LMAN2L: variants seen among roughly 807,000 people sequenced by gnomAD.
The protein encoded by LMAN2L is VIP36-like protein.
LMAN2L carries 30 observed loss-of-function variants against 44.3 expected under a neutral mutation model. The observed-to-expected ratio is 0.68, with a 90% CI of 0.51 to 0.92. The LOEUF is 0.92. LMAN2L is among the 40% of genes least tolerant of loss of function. LMAN2L has a pLI of 0.00. For synonymous variants in LMAN2L, 183 were observed against 171.1 expected (o/e 1.07, Z -0.54); for missense variants, 429 against 446.1 (o/e 0.96, Z 0.35).
In LMAN2L at chr2:96,707,757, T is replaced by G; in HGVS notation, c.861A>C (p.Arg287=). 1 of 1,614,098 alleles carries G rather than the reference T, an allele frequency of 6.2e-7. No individual in the cohort carries two copies. The highest frequency in any genetic ancestry group is 8.5e-7 in the Non-Finnish European group (1 of 1,179,982). The part of the protein sequence containing the change: ...ERTPEEEKLH[R]DVFLPSVDNM... ...TGTCCACTGAGGGCAAGAACACATC[T>G]CGATGGAGCTTTTCCTCTTCTGGGG... is the stretch of plus-strand genomic sequence containing the variant. Residue 287 remains arginine (R), a synonymous_variant, in exon 7 of 8, where the codon CGA becomes CGC. Transcript: ENST00000264963.
Position 96,721,304 on chromosome 2 carries a change from T to C in LMAN2L, c.508-9279A>G, listed in dbSNP as rs893802871. On this transcript the variant is annotated intron_variant, in intron 4 of 7. Coordinates refer to ENST00000264963, the MANE Select transcript of LMAN2L (RefSeq NM_030805.4). ...TGGGTCATCCATGTTGGAGCACATA[T>C]CGATACTTAATTTCTTTCAGTCTTT... 4.6e-5 allele frequency among the ~76,000 whole-genome samples: 7 copies of C among 151,018 alleles called. No homozygotes were observed. The East Asian group carries it at 1.4e-3, about 29-fold the overall frequency.
rs966556807 is a variant in LMAN2L at position 96,740,037 on chromosome 2, C to T, written c.4G>A (p.Ala2Thr). Reference protein sequence around the residue: MAATLGPLGSWQ... With the variant: MTATLGPLGSWQ... ...GACCCAAGGGGTCCCAGAGTCGCCG[C>T]CATCTTTCCCACCAACGACCCTTCA... is the stretch of plus-strand genomic sequence containing the variant. The change falls in exon 1 of 8, where the codon GCG becomes ACG. Residue 2 changes from alanine (A) to threonine (T), a missense_variant. Physicochemically the swap from Ala to Thr is moderately conservative, Grantham distance 58. Transcript: ENST00000264963. 16 of 1,604,636 alleles carry T rather than the reference C, an allele frequency of 1.0e-5. No homozygotes were observed. Among genetic ancestry groups the T allele is most frequent in the Admixed American group, 3.4e-5 (2 of 59,378 alleles).
In LMAN2L at chr2:96,707,712, A is replaced by C. The variant is rs1032661951; in HGVS notation, c.904+2T>G. ...CCATTTCCCGCGGGCCCCTGTGCTC[A>C]CTCTCAGGCAGCTTCATATTGTCCA... On this transcript the variant is annotated splice_donor_variant, in intron 7 of 7. Coordinates refer to ENST00000264963, the MANE Select transcript of LMAN2L (RefSeq NM_030805.4). LOFTEE classifies it high-confidence loss of function. 28 of 1,613,732 alleles carry C rather than the reference A, an allele frequency of 1.7e-5. No homozygotes were observed. The highest frequency in any genetic ancestry group is 2.3e-5 in the Non-Finnish European group (27 of 1,179,968).
intron 4 of LMAN2L, among the ~76,000 whole-genome samples, chr2:96,733,190 G>A (rs1021179303): frequency 6.6e-5 from 10 of 152,136 alleles, no homozygotes; most frequent in African/African-American, 1.7e-4. Flanking sequence ...GCTGAGTTAC[G>A]TAAATTCAGC....
chr2:96,709,293 C>T (rs367730696), intron 6 of LMAN2L, among the ~76,000 whole-genome samples: 5 of 152,262 alleles, frequency 3.3e-5, no homozygotes, highest in East Asian at 1.9e-4. Context: ...TTGGCTCCTG[C>T]GTCTCTTTAC....
chr2:96,726,212 C>G (rs991312339), intron 4 of LMAN2L, among the ~76,000 whole-genome samples: 1 of 150,682 alleles, frequency 6.6e-6, no homozygotes, highest in Non-Finnish European at 1.5e-5. Flanking sequence ...TTTTTGCATA[C>G]TGATCTCGTA....
At chr2:96,717,734 G>A (rs1224683596) in intron 4 of LMAN2L, among the ~76,000 whole-genome samples, 1 of 151,348 alleles carries the variant, frequency 6.6e-6, no homozygotes, top group African/African-American at 2.4e-5. Context: ...AGCTACTCAG[G>A]AGGCTGAGGC....
rs1357962052 is a variant in LMAN2L at position 96,720,188 on chromosome 2, A to G, written c.508-8163T>C. Among the ~76,000 whole-genome samples, 8 of 152,306 alleles carry G rather than the reference A, an allele frequency of 5.3e-5. No homozygotes were observed. In the East Asian group the frequency reaches 1.5e-3, roughly 29 times the overall value. On this transcript the variant is annotated intron_variant, in intron 4 of 7. Transcript: ENST00000264963. ...GGGAATACCTCAAAAACAACTCCCA[A>G]GCTCTTCTCCCCACTCTCTAGCTAT...
At chr2:96,722,276 T>C (rs1235094675) in intron 4 of LMAN2L, among the ~76,000 whole-genome samples, 1 of 152,066 alleles carries the variant, frequency 6.6e-6, no homozygotes, top group Admixed American at 6.6e-5. Context: ...CCTGTGTACT[T>C]TATTTCTATT....
At chr2:96,710,985 G>C (rs1270175339) in intron 6 of LMAN2L, among the ~76,000 whole-genome samples, 1 of 152,192 alleles carries the variant, frequency 6.6e-6, no homozygotes, top group Non-Finnish European at 1.5e-5. Flanking sequence ...AAAGAAACAA[G>C]AGGAGATGGA....
In LMAN2L at chr2:96,733,611, G is replaced by C. The variant is rs1184561914; in HGVS notation, c.425-10C>G. 2 of 1,600,818 alleles carry C rather than the reference G, an allele frequency of 1.2e-6. No homozygotes were observed. Among genetic ancestry groups the C allele is most frequent in the South Asian group, 1.1e-5 (1 of 90,702 alleles). On this transcript the variant is annotated splice_polypyrimidine_tract_variant and intron_variant, in intron 3 of 7. Transcript: ENST00000264963. ...TTTCCAAACACAGGCCCTAGAGAGA[G>C]AGAACAGATGATGAACAATGAAATA... is the stretch of plus-strand genomic sequence containing the variant.
chr2:96,710,429 G>A (rs953757895), intron 6 of LMAN2L, among the ~76,000 whole-genome samples: 11 of 152,100 alleles, frequency 7.2e-5, no homozygotes, highest in Admixed American at 1.3e-4. Context: ...CAGCACTTTC[G>A]GAGGCCAAGG....
At chr2:96,718,274 T>C (rs2078081982) in intron 4 of LMAN2L, among the ~76,000 whole-genome samples, 2 of 152,210 alleles carry the variant, frequency 1.3e-5, no homozygotes, top group Admixed American at 6.5e-5. Context: ...TCTTATAACT[T>C]AATCATAAGC....
intron 4 of LMAN2L, among the ~76,000 whole-genome samples, chr2:96,720,088 A>C (rs1345395794): frequency 6.6e-6 from 1 of 152,186 alleles, no homozygotes; most frequent in Non-Finnish European, 1.5e-5. Flanking sequence ...GGTATTGTTA[A>C]ATTTTCTTCC....
rs1442362499 is a variant in LMAN2L at position 96,737,976 on chromosome 2, A to C, written c.279T>G (p.Ser93Arg). ...CCCGGTTCCACAAGGCACCCTGTTTACTTTGCATATCTGGGGTAAGGCGGA... is the reference window on the plus strand; with the variant it reads ...CCCGGTTCCACAAGGCACCCTGTTTCCTTTGCATATCTGGGGTAAGGCGGA... Reference protein sequence around the residue: ...QYIRLTPDMQSKQGALWNRVP... With the variant: ...QYIRLTPDMQRKQGALWNRVP... The change falls in exon 2 of 8, where the codon AGT becomes AGG. Residue 93 changes from serine to arginine, a missense_variant. By Grantham distance (110) the Ser-to-Arg change is moderately radical (BLOSUM62 -1). Coordinates refer to ENST00000264963, the MANE Select transcript of LMAN2L (RefSeq NM_030805.4). 1 of 1,613,410 alleles carries C rather than the reference A, an allele frequency of 6.2e-7. No homozygotes were observed. The highest frequency in any genetic ancestry group is 8.5e-7 in the Non-Finnish European group (1 of 1,179,360).
At chr2:96,724,794 A>G (rs1223437809) in intron 4 of LMAN2L, among the ~76,000 whole-genome samples, 1 of 149,218 alleles carries the variant, frequency 6.7e-6, no homozygotes, top group Non-Finnish European at 1.5e-5. Context: ...CTACAGGCGC[A>G]CACTGCGAAG....
At chr2:96,733,125 G>C (rs1469289043) in intron 4 of LMAN2L, among the ~76,000 whole-genome samples, 1 of 152,194 alleles carries the variant, frequency 6.6e-6, no homozygotes, top group East Asian at 1.9e-4. Flanking sequence ...AAGCTGAAAA[G>C]TGTGTGCAAG....
intron 6 of LMAN2L, among the ~76,000 whole-genome samples, chr2:96,709,763 G>C (rs1406479964): frequency 1.3e-5 from 2 of 152,204 alleles, no homozygotes; most frequent in Admixed American, 6.5e-5. Context: ...TAAGAGGATG[G>C]CAACAAGAAA....
intron 4 of LMAN2L, among the ~76,000 whole-genome samples, chr2:96,723,768 T>C (rs1002204338): frequency 6.6e-6 from 1 of 152,226 alleles, no homozygotes; most frequent in Non-Finnish European, 1.5e-5. Flanking sequence ...AAGATGATTC[T>C]TTCCCCATTG....
Sources: gnomAD v4.1 joint callset for allele counts (sites outside exome capture counted in the v4.1 genomes callset) on GRCh38, gnomAD v4.1.1 for gene constraint, MANE v1.5 for transcripts, NCBI Gene and HGNC (gene_info 2026-07-23, HGNC 2026-07-21) for gene names.